The following LPA variants were observed in gnomAD, a reference collection of about 807,000 sequenced individuals.
LPA encodes the protein apolipoprotein(a).
In LPA, 199 loss-of-function variants were observed where a neutral mutation model predicts 197.9. That is an observed-to-expected ratio of 1.01 (90% confidence interval 0.90 to 1.13). The LOEUF (loss-of-function observed/expected upper bound fraction) is 1.13. Ranked by LOEUF, LPA falls within the 50% of genes most tolerant of loss-of-function variation. LPA has a pLI of 0.00. For synonymous variants in LPA, 715 were observed against 639.5 expected (o/e 1.12, Z -1.78); for missense variants, 1,853 against 1,785.8 (o/e 1.04, Z -0.68).
chr6:160,604,223 G>C (rs1583614088), intron 18 of LPA, among the ~76,000 whole-genome samples: 1 of 152,246 alleles, frequency 6.6e-6, no homozygotes, highest in East Asian at 1.9e-4. Context: ...CATTCAGGAA[G>C]ATGGCTACAG....
chr6:160,550,175 T>C (rs1213138038), intron 30 of LPA, among the ~76,000 whole-genome samples: 1 of 150,836 alleles, frequency 6.6e-6, no homozygotes, highest in African/African-American at 2.4e-5. Flanking sequence ...CAGCCGAGAT[T>C]GGGCCATTAC....
At chr6:160,658,311 G>A (rs960295257) in intron 1 of LPA, among the ~76,000 whole-genome samples, 4 of 152,166 alleles carry the variant, frequency 2.6e-5, no homozygotes, top group African/African-American at 9.7e-5. Context: ...CACCTGGCAA[G>A]GCTGTGCATG....
chr6:160,584,235 T>TC (rs1420835688), intron 26 of LPA, among the ~76,000 whole-genome samples: 1,463 of 85,238 alleles, frequency 0.017, 9 homozygotes, highest in East Asian at 0.084. Flanking sequence ...TTCTTCTTCT[T>TC]CTTCCTCCTC....
chr6:160,570,386 CAG>C (rs992702037), intron 28 of LPA, among the ~76,000 whole-genome samples: 3 of 151,916 alleles, frequency 2.0e-5, no homozygotes, highest in Non-Finnish European at 4.4e-5. Flanking sequence ...ATCACAAGGA[CAG>C]AAATCCAAAC....
chr6:160,549,894 C>G (rs1324383070), intron 30 of LPA, among the ~76,000 whole-genome samples: 1 of 152,182 alleles, frequency 6.6e-6, no homozygotes, highest in African/African-American at 2.4e-5. Context: ...AAAAGGTCCA[C>G]CAGCTATGGA....
chr6:160,603,000 T>G (rs993892015), intron 18 of LPA, among the ~76,000 whole-genome samples: 11 of 151,338 alleles, frequency 7.3e-5, no homozygotes, highest in Admixed American at 2.6e-4. Flanking sequence ...TACAGTTTTT[T>G]TTTTTTTTTT....
chr6:160,582,058 CT>C (rs1583594895), intron 26 of LPA, among the ~76,000 whole-genome samples: 1 of 152,012 alleles, frequency 6.6e-6, no homozygotes, highest in East Asian at 1.9e-4. Context: ...ATGAAACATT[CT>C]TTTATTTGTT....
intron 33 of LPA, 137 bp downstream of exon 33, chr6:160,545,303 C>T: frequency 1.5e-6 from 1 of 663,908 alleles, no homozygotes. Flanking sequence ...TGATGAAAAG[C>T]AGGCTCTGGT....
chr6:160,610,942 T>A (rs1779492283), intron 16 of LPA, among the ~76,000 whole-genome samples: 1 of 152,102 alleles, frequency 6.6e-6, no homozygotes, highest in African/African-American at 2.4e-5. Context: ...CATGGGGTGG[T>A]CAGACCAGGG....
At chr6:160,634,964 G>C (rs570109748) in intron 7 of LPA, among the ~76,000 whole-genome samples, 159 bp downstream of exon 7, 19 of 150,170 alleles carry the variant, frequency 1.3e-4, no homozygotes, top group Non-Finnish European at 2.4e-4. Flanking sequence ...CACTCCGCTG[G>C]CTCCCCCAGA....
intron 27 of LPA, 44 bp downstream of exon 27, chr6:160,578,479 G>C (rs1157903385): frequency 6.2e-7 from 1 of 1,610,534 alleles, no homozygotes. Context: ...ATTTTCCATG[G>C]TTTTTCATCC....
intron 18 of LPA, among the ~76,000 whole-genome samples, chr6:160,601,941 G>T (rs540384261): frequency 1.3e-5 from 2 of 152,238 alleles, no homozygotes; most frequent in Admixed American, 6.5e-5. Flanking sequence ...GGTCTGAAGA[G>T]GTCGGGCAGC....
intron 28 of LPA, among the ~76,000 whole-genome samples, chr6:160,562,692 T>C (rs1778383004): frequency 6.6e-6 from 1 of 152,174 alleles, no homozygotes; most frequent in Admixed American, 6.5e-5. Context: ...TTAATCCCTC[T>C]GGTCTGGGCT....
Position 160,545,508 on chromosome 6 carries a change from A to T in LPA, c.5330T>A (p.Ile1777Asn). The T allele has an allele frequency of 1.9e-6, 3 of 1,613,332 alleles. No individual in the cohort carries two copies. Among genetic ancestry groups the T allele is most frequent in the Non-Finnish European group, 2.5e-6 (3 of 1,179,428 alleles). ...KNYCRNPDGDINGPWCYTMNP... is the reference protein window; with the variant it reads ...KNYCRNPDGDNNGPWCYTMNP... Reference sequence around the variant, plus strand: ...CATTGTGTAGCACCAGGGACCATTGATGTCACCATCAGGGTTACGGCAGTA... The same window carrying T: ...CATTGTGTAGCACCAGGGACCATTGTTGTCACCATCAGGGTTACGGCAGTA... The change falls in exon 33 of 39, where the codon ATC becomes AAC. Residue 1777 changes from isoleucine (I) to asparagine (N), a missense_variant. By Grantham distance (149) the Ile-to-Asn change is moderately radical. Around this residue, in one of 3 missense-constraint regions of LPA, gnomAD observed 1,737 missense variants for 1,504.4 expected, o/e 1.15. Coordinates refer to ENST00000316300, the MANE Select transcript of LPA (RefSeq NM_005577.4).
intron 28 of LPA, among the ~76,000 whole-genome samples, chr6:160,570,600 C>T (rs1346674497): frequency 6.6e-6 from 1 of 152,020 alleles, no homozygotes; most frequent in Non-Finnish European, 1.5e-5. Flanking sequence ...AAACCTGCAC[C>T]TTGTGCACAT....
At chr6:160,540,541 G>T (rs973822355) in intron 35 of LPA, among the ~76,000 whole-genome samples, 8 of 152,144 alleles carry the variant, frequency 5.3e-5, no homozygotes, top group Admixed American at 1.3e-4. Context: ...CTCACTCTTA[G>T]TTCTTGCAAA....
In LPA at chr6:160,606,494, T is replaced by C; in HGVS notation, c.2768A>G (p.Glu923Gly). ...CTCCTTACCTTGTTCAGAAGGAGCC[T>C]CTAGGCTTGGAATCGGGGTAATAGT... is the stretch of plus-strand genomic sequence containing the variant. ...PPTITPIPSLEAPSEQAPTEQ... is the reference protein window; with the variant it reads ...PPTITPIPSLGAPSEQAPTEQ... The change falls in exon 17 of 39, where the codon GAG becomes GGG. Residue 923 changes from glutamate (E) to glycine (G), a missense_variant. Transcript: ENST00000316300. 6.2e-7 allele frequency: 1 copy of C among 1,613,494 alleles called. No homozygotes were observed. Among genetic ancestry groups the C allele is most frequent in the Admixed American group, 1.7e-5 (1 of 60,024 alleles).
chr6:160,610,706 C>A (rs546819770), intron 16 of LPA, among the ~76,000 whole-genome samples: 3 of 152,138 alleles, frequency 2.0e-5, no homozygotes, highest in Non-Finnish European at 4.4e-5. Context: ...TCATCCCAAA[C>A]TCCAATCCCT....
intron 24 of LPA, among the ~76,000 whole-genome samples, chr6:160,587,961 T>C (rs1778946517): frequency 6.6e-6 from 1 of 152,182 alleles, no homozygotes; most frequent in African/African-American, 2.4e-5. Flanking sequence ...AATTTTCATT[T>C]GGCTCTCCGG....
Sources: allele counts gnomAD v4.1 joint callset (sites outside exome capture counted in the v4.1 genomes callset), GRCh38; gene constraint gnomAD v4.1.1; regional missense constraint gnomAD v4.1.1; transcripts MANE v1.5; gene names NCBI Gene and HGNC (gene_info 2026-07-23, HGNC 2026-07-21).